DAGLB: variants seen among roughly 807,000 people sequenced by gnomAD.
The protein encoded by DAGLB is diacylglycerol lipase-beta.
Under a neutral mutation model 72.1 loss-of-function variants are expected in DAGLB, and 66 were observed. The observed-to-expected ratio is 0.92, with a 90% CI of 0.75 to 1.12. DAGLB has a LOEUF of 1.12. DAGLB is among the 50% of genes most tolerant of loss of function. The probability of loss-of-function intolerance (pLI) is 0.00; values close to 1 mark genes in which losing one functional copy is unlikely to be tolerated. For missense variants in DAGLB, 1,065 were observed against 884.9 expected (o/e 1.20, Z -2.58); for synonymous variants, 414 against 359.5 (o/e 1.15, Z -1.71).
At chr7:6,444,488 G>C (rs12670121) in intron 2 of DAGLB, among the ~76,000 whole-genome samples, 12,027 of 152,018 alleles carry the variant, frequency 0.079, 1,116 homozygotes, top group East Asian at 0.5. Flanking sequence ...TGTAATCCCA[G>C]CTACATGGGA....
rs57374634 is a variant in DAGLB, at chr7:6,430,250, CATATAT to C, written c.929+224_929+229del. On this transcript the variant is annotated intron_variant, in intron 6 of 14. Coordinates refer to ENST00000297056, the MANE Select transcript of DAGLB (RefSeq NM_139179.4). ...GGTTCGGGGAAAAAAAATACATGTG[CATATAT>C]ATATATATATATATATATATATATA... Among the ~76,000 whole-genome samples, 73 of 45,744 alleles carry C rather than the reference CATATAT, an allele frequency of 1.6e-3. 2 individuals carry two copies. The East Asian group carries it at 0.019, about 12-fold the overall frequency. 30.0% of individuals were successfully genotyped at this position (45,744 alleles called of 152,430 possible).
At chr7:6,436,652 A>C in intron 2 of DAGLB, 119 bp from the exon 3 acceptor site, 2 of 1,216,786 alleles carry the variant, frequency 1.6e-6, no homozygotes, top group Non-Finnish European at 2.3e-6. Context: ...CCGCCTCCTG[A>C]CTTTTTCTAC....
chr7:6,436,397 T>C lies in DAGLB; in HGVS notation c.384A>G (p.Thr128=), dbSNP rs908040835. The C allele has an allele frequency of 1.2e-6, 2 of 1,613,222 alleles. No homozygotes were observed. The highest frequency in any genetic ancestry group is 2.7e-5 in the African/African-American group (2 of 74,866). The change falls in exon 3 of 15, where the codon ACA becomes ACG. Residue 128 remains threonine, a synonymous_variant. Coordinates refer to ENST00000297056, the MANE Select transcript of DAGLB (RefSeq NM_139179.4). ...CGGTTGCGATGATGCCGTTTACAAC[T>C]GTCCTGTCGCACTGAACACCATCTG... ...WVADGVQCDR[T]VVNGIIATVV...
At position 6,424,510 on chromosome 7, in the gene DAGLB, T is replaced by C. The variant is rs182605155; in HGVS notation, c.1140+242A>G. Reference sequence around the variant, plus strand: ...CAAGCAGGTGCCCTCTGGGAGCTCCTGTGGCGGGGGGGCCAACCTGCTGGC... The same window carrying C: ...CAAGCAGGTGCCCTCTGGGAGCTCCCGTGGCGGGGGGGCCAACCTGCTGGC... On this transcript the variant is annotated intron_variant, in intron 8 of 14. Coordinates refer to ENST00000297056, the MANE Select transcript of DAGLB (RefSeq NM_139179.4). Among the ~76,000 whole-genome samples, 49 of 152,270 alleles carry C rather than the reference T, an allele frequency of 3.2e-4. No homozygotes were observed. In the East Asian group the frequency reaches 8.9e-3, roughly 28 times the overall value.
Position 6,410,159 on chromosome 7 carries a change from G to C in DAGLB, c.1791C>G (p.Ile597Met), listed in dbSNP as rs896201413. The C allele has an allele frequency of 4.4e-6, 7 of 1,579,282 alleles. No homozygotes were observed. In the South Asian group the frequency reaches 5.7e-5, roughly 13 times the overall value. ...YPPLYPPGRI[I>M]HLQEEGASGR... ...CCGAGGCGCCCTCCTCCTGCAGGTG[G>C]ATGATCCTGCCGGGAGGGTAGAGAG... is the stretch of plus-strand genomic sequence containing the variant. Residue 597 changes from isoleucine to methionine, a missense_variant, in exon 14 of 15, where the codon ATC (isoleucine) becomes ATG (methionine). By Grantham distance (10) the Ile-to-Met change is conservative (BLOSUM62 1). Coordinates refer to ENST00000297056, the MANE Select transcript of DAGLB (RefSeq NM_139179.4).
At chr7:6,439,850 G>A (rs548239571) in intron 2 of DAGLB, among the ~76,000 whole-genome samples, 23 of 151,988 alleles carry the variant, frequency 1.5e-4, no homozygotes, top group Non-Finnish European at 2.5e-4. Context: ...TCAGGAGTTC[G>A]AGACCAGCCT....
chr7:6,422,482 G>A (rs1324448173), intron 8 of DAGLB: 1 of 160,904 alleles, frequency 6.2e-6, no homozygotes, highest in Non-Finnish European at 1.4e-5. Flanking sequence ...TGGGCATGGG[G>A]GAGGCTGCTG....
intron 8 of DAGLB, chr7:6,422,732 G>A (rs1011946105): frequency 5.2e-5 from 8 of 152,518 alleles, no homozygotes; most frequent in African/African-American, 9.7e-5. Flanking sequence ...GGGGCTACTA[G>A]AGGAGGGCAG....
intron 11 of DAGLB, among the ~76,000 whole-genome samples, chr7:6,414,609 T>C (rs1783841535): frequency 6.6e-6 from 1 of 152,020 alleles, no homozygotes; most frequent in South Asian, 2.1e-4. Context: ...CCTCCTGATG[T>C]TTAAGTATCA....
intron 3 of DAGLB, among the ~76,000 whole-genome samples, chr7:6,435,721 T>G (rs1784633782): frequency 6.6e-6 from 1 of 152,064 alleles, no homozygotes; most frequent in Non-Finnish European, 1.5e-5. Context: ...AGGCCTCTCA[T>G]CTATATGTTT....
At chr7:6,419,629 C>G (rs1123675) in intron 9 of DAGLB, among the ~76,000 whole-genome samples, 1 of 152,086 alleles carries the variant, frequency 6.6e-6, no homozygotes, top group South Asian at 2.1e-4. Flanking sequence ...TGAACTGTCA[C>G]TAAAATATGA....
intron 3 of DAGLB, among the ~76,000 whole-genome samples, chr7:6,435,848 A>C (rs1784638123): frequency 6.6e-6 from 1 of 152,204 alleles, no homozygotes; most frequent in Admixed American, 6.5e-5. Flanking sequence ...GCAACAGCCC[A>C]GGTCTGATTC....
intron 6 of DAGLB, among the ~76,000 whole-genome samples, chr7:6,428,865 T>C (rs836529): frequency 0.6 from 90,849 of 151,988 alleles, 29,862 homozygotes; most frequent in East Asian, 0.91. Flanking sequence ...AGTACAGTGG[T>C]GCAACCCCAG....
At chr7:6,414,090 A>G (rs1237543798) in intron 11 of DAGLB, among the ~76,000 whole-genome samples, 1 of 152,100 alleles carries the variant, frequency 6.6e-6, no homozygotes, top group African/African-American at 2.4e-5. Flanking sequence ...AGCTCACTGC[A>G]ACCTCCATCT....
intron 7 of DAGLB, among the ~76,000 whole-genome samples, chr7:6,425,278 GC>G (rs1784269519): frequency 6.6e-6 from 1 of 152,016 alleles, no homozygotes. Context: ...TGCACAGCTG[GC>G]TTTTTTTTTT....
chr7:6,447,917 A>C lies in DAGLB; in HGVS notation c.-75T>G, dbSNP rs181465915. On this transcript the variant is annotated 5_prime_UTR_variant, in exon 1 of 15. Coordinates refer to ENST00000297056, the MANE Select transcript of DAGLB (RefSeq NM_139179.4). ...CCGAGAACAAACCAGCACCCTCCGG[A>C]CGCCGCCACCAAATTATCGGCGCTC... 4.0e-5 allele frequency: 59 copies of C among 1,479,604 alleles called. No individual in the cohort carries two copies. The African/African-American group carries it at 5.4e-4, about 14-fold the overall frequency. 91.7% of individuals were successfully genotyped at this position (1,479,604 alleles called of 1,614,324 possible). A position where few individuals can be genotyped will look rare whatever the true frequency, so the allele number is the denominator to read the frequency against.
At position 6,409,829 on chromosome 7, in the gene DAGLB, G is replaced by T. The variant is rs777519827; in HGVS notation, c.*8C>A. 42 of 1,612,328 alleles carry T rather than the reference G, an allele frequency of 2.6e-5. No individual in the cohort carries two copies. In the African/African-American group the frequency reaches 4.4e-4, roughly 17 times the overall value. On this transcript the variant is annotated 3_prime_UTR_variant, in exon 15 of 15. Transcript: ENST00000297056. ...CATCGTTCCTGGGACAGTTTCCAGTGGCCCTGGTCAGGCCACGTCCACACT... is the reference window on the plus strand; with the variant it reads ...CATCGTTCCTGGGACAGTTTCCAGTTGCCCTGGTCAGGCCACGTCCACACT...
intron 6 of DAGLB, 141 bp downstream of exon 6, chr7:6,430,339 A>G: frequency 1.0e-6 from 1 of 981,028 alleles, no homozygotes; most frequent in Admixed American, 4.5e-5. Context: ...GCATGTGACC[A>G]GATGAGTCAC....
At chr7:6,422,381 C>T (rs1349424502) in intron 8 of DAGLB, 5 of 230,062 alleles carry the variant, frequency 2.2e-5, no homozygotes, top group South Asian at 1.1e-4. Flanking sequence ...GCCCTGGGCA[C>T]GGCTCCACAC....
Sources: gnomAD v4.1 joint callset for allele counts (sites outside exome capture counted in the v4.1 genomes callset) on GRCh38, gnomAD v4.1.1 for gene constraint, MANE v1.5 for transcripts, NCBI Gene and HGNC (gene_info 2026-07-23, HGNC 2026-07-21) for gene names.